The following TBK1 variants were observed in gnomAD, a reference collection of about 807,000 sequenced individuals.
The protein encoded by TBK1 is TANK binding kinase 1, also known as serine/threonine-protein kinase TBK1.
A neutral mutation model predicts 99.9 loss-of-function variants in TBK1; 37 were observed. The ratio of observed to expected loss-of-function variants is 0.37; its 90% CI spans 0.28 to 0.49. TBK1 has a LOEUF of 0.49. TBK1 is among the 20% of genes least tolerant of loss of function. The pLI is 0.98. For synonymous variants in TBK1, 258 were observed against 279.8 expected (o/e 0.92, Z 0.78); for missense variants, 644 against 872.5 (o/e 0.74, Z 3.30).
In TBK1 at chr12:64,495,783, A is replaced by G; in HGVS notation, c.1720+8A>G. The G allele has an allele frequency of 6.5e-7, 1 of 1,549,938 alleles. No individual in the cohort carries two copies. The highest frequency in any genetic ancestry group is 1.2e-5 in the South Asian group (1 of 82,482). ...AAGACAAAGCAGAACGTAGTAAGTA[A>G]AATTTGCTATTTGTTAATTTAATAA... On this transcript the variant is annotated splice_region_variant and intron_variant, in intron 15 of 20. Transcript: ENST00000331710.
chr12:64,482,540 A>G (rs2040777714), intron 8 of TBK1, among the ~76,000 whole-genome samples: 1 of 152,244 alleles, frequency 6.6e-6, no homozygotes, highest in South Asian at 2.1e-4. Flanking sequence ...GATTAAAAAA[A>G]ACTACCCATG....
At chr12:64,455,989 A>G in intron 2 of TBK1, 32 bp downstream of exon 2, 2 of 1,491,910 alleles carry the variant, frequency 1.3e-6, no homozygotes, top group Non-Finnish European at 1.8e-6. Context: ...AAGACCTTTT[A>G]TCACTGTATG....
rs746112438 is a variant in TBK1, at chr12:64,496,934, A to ATT, written c.1761-13_1761-12dup. On this transcript the variant is annotated splice_polypyrimidine_tract_variant and intron_variant, in intron 16 of 20. Coordinates refer to ENST00000331710, the MANE Select transcript of TBK1 (RefSeq NM_013254.4). ...GTGACATTGGTTTAAGCCTCTGATT[A>ATT]TTTCTAAATTACAGGCAAAAACTGT... 1 of 1,583,050 alleles carries ATT rather than the reference A, an allele frequency of 6.3e-7. No homozygotes were observed. Among genetic ancestry groups the ATT allele is most frequent in the East Asian group, 2.2e-5 (1 of 44,472 alleles).
chr12:64,456,668 G>A (rs898638496), intron 2 of TBK1, among the ~76,000 whole-genome samples: 6 of 151,774 alleles, frequency 4.0e-5, no homozygotes, highest in African/African-American at 1.2e-4. Context: ...GTGAAACCCC[G>A]TCTCTACTAA....
intron 3 of TBK1, among the ~76,000 whole-genome samples, chr12:64,461,848 C>G (rs1261152970): frequency 6.6e-6 from 1 of 152,050 alleles, no homozygotes; most frequent in East Asian, 1.9e-4. Flanking sequence ...TTTATTGTAG[C>G]AAAAAGATAG....
rs1376176798 is a variant in TBK1 at position 64,495,887 on chromosome 12, T to C, written c.1720+112T>C. On this transcript the variant is annotated intron_variant, in intron 15 of 20. Transcript: ENST00000331710. ...AGGGTAGCTTCTTAAGCTGTTTTTT[T>C]CAGAGATGTGATTCTGTCAGGAAAA... 3.9e-6 allele frequency: 3 copies of C among 766,614 alleles called. No homozygotes were observed. The South Asian group carries it at 8.2e-5, about 21-fold the overall frequency. 47.5% of individuals were successfully genotyped at this position (766,614 alleles called of 1,614,324 possible). A position where few individuals can be genotyped will look rare whatever the true frequency, so the allele number is the denominator to read the frequency against.
At chr12:64,481,819 G>GT (rs2040770521) in intron 7 of TBK1, 23 bp from the exon 8 acceptor site, 3 of 1,504,018 alleles carry the variant, frequency 2.0e-6, no homozygotes, top group Non-Finnish European at 2.7e-6. Context: ...CACTCTTCAA[G>GT]TAACTTTTCA....
chr12:64,501,465 C>T lies in TBK1; in HGVS notation c.*84C>T. The T allele has an allele frequency of 7.6e-7, 1 of 1,310,112 alleles. No homozygotes were observed. Among genetic ancestry groups the T allele is most frequent in the South Asian group, 1.2e-5 (1 of 80,074 alleles). 81.2% of individuals were successfully genotyped at this position (1,310,112 alleles called of 1,614,324 possible). The stretch of plus-strand genomic sequence containing the variant: ...TTAAATGAATGCCTTTATAGATAGT[C>T]ACTTGTTTCTACAATTCAGTATTTG... On this transcript the variant is annotated 3_prime_UTR_variant, in exon 21 of 21. Transcript: ENST00000331710.
At chr12:64,492,395 C>G (rs2040877817) in intron 13 of TBK1, among the ~76,000 whole-genome samples, 1 of 152,200 alleles carries the variant, frequency 6.6e-6, no homozygotes, top group South Asian at 2.1e-4. Context: ...CAGCCTCCGC[C>G]TCCTGGGTTC....
At chr12:64,457,962 G>A (rs1241954821) in intron 2 of TBK1, among the ~76,000 whole-genome samples, 4 of 152,114 alleles carry the variant, frequency 2.6e-5, no homozygotes, top group South Asian at 4.1e-4. Flanking sequence ...AAAAGATTGT[G>A]AAGTCGAGCA....
In TBK1 at chr12:64,493,839, A is replaced by G. The variant is rs57951587; in HGVS notation, c.1522-1644A>G. 2.1e-3 allele frequency among the ~76,000 whole-genome samples: 326 copies of G among 152,228 alleles called. 1 individual carries two copies. The highest frequency in any genetic ancestry group is 7.6e-3 in the African/African-American group (317 of 41,546). ...AATCACTGTTTTCATTTTCTTTTAT[A>G]TGTATTATTAAATGACTGTTACTCT... On this transcript the variant is annotated intron_variant, in intron 13 of 20. Transcript: ENST00000331710.
Position 64,497,621 on chromosome 12 carries a change from C to CTTTTTTTT in TBK1, c.1960-18_1960-11dup, listed in dbSNP as rs71092972. ...TCTGTGATTAATGTGGGGTTTTTTT[C>CTTTTTTTT]TTTTTTTTTTTTTTTTGATGTTTCA... On this transcript the variant is annotated intron_variant, in intron 18 of 20. Coordinates refer to ENST00000331710, the MANE Select transcript of TBK1 (RefSeq NM_013254.4). 5.6e-5 allele frequency: 57 copies of CTTTTTTTT among 1,025,096 alleles called. 1 individual carries two copies. The highest frequency in any genetic ancestry group is 2.5e-4 in the South Asian group (15 of 59,038). 63.5% of individuals were successfully genotyped at this position (1,025,096 alleles called of 1,614,324 possible). A position where few individuals can be genotyped will look rare whatever the true frequency, so the allele number is the denominator to read the frequency against.
In TBK1 at chr12:64,501,650, G is replaced by C. The variant is rs910651419; in HGVS notation, c.*269G>C. On this transcript the variant is annotated 3_prime_UTR_variant, in exon 21 of 21. Coordinates refer to ENST00000331710, the MANE Select transcript of TBK1 (RefSeq NM_013254.4). ...GAAAGCCATGACCGACCAATATGTTGACATACTGATCCTCTACTCTGAGTG... is the reference window on the plus strand; with the variant it reads ...GAAAGCCATGACCGACCAATATGTTCACATACTGATCCTCTACTCTGAGTG... 5.5e-6 allele frequency: 2 copies of C among 365,120 alleles called. No homozygotes were observed. The highest frequency in any genetic ancestry group is 4.3e-5 in the African/African-American group (2 of 46,838). The allele number at this position is 365,120 out of a possible 1,614,324, so 22.6% of individuals were successfully genotyped here. A position where few individuals can be genotyped will look rare whatever the true frequency, so the allele number is the denominator to read the frequency against.
Position 64,481,863 on chromosome 12 carries a change from C to T in TBK1, c.834C>T (p.Thr278=). Residue 278 remains threonine (T), a synonymous_variant, in exon 8 of 21, where the codon ACC becomes ACT. Transcript: ENST00000331710. ...SLSRGLQVLL[T]PVLANILEAD... is the part of the protein sequence containing the mutation. ...TTAGGGGTCTTCAGGTTCTACTTACCCCTGTTCTTGCAAACATCCTTGAAG... is the reference window on the plus strand; with the variant it reads ...TTAGGGGTCTTCAGGTTCTACTTACTCCTGTTCTTGCAAACATCCTTGAAG... The T allele has an allele frequency of 1.2e-6, 2 of 1,603,208 alleles. No individual in the cohort carries two copies. The highest frequency in any genetic ancestry group is 1.7e-6 in the Non-Finnish European group (2 of 1,175,428).
At chr12:64,475,529 G>A (rs942206989) in intron 6 of TBK1, among the ~76,000 whole-genome samples, 8 of 152,156 alleles carry the variant, frequency 5.3e-5, no homozygotes, top group South Asian at 2.1e-4. Context: ...TGGGATTGGC[G>A]AGACAATATG....
intron 3 of TBK1, among the ~76,000 whole-genome samples, chr12:64,462,667 G>C (rs905934395): frequency 1.3e-5 from 2 of 151,560 alleles, no homozygotes; most frequent in Non-Finnish European, 2.9e-5. Flanking sequence ...TTTTATAAAA[G>C]TGTTTTGGAG....
intron 5 of TBK1, among the ~76,000 whole-genome samples, chr12:64,469,338 C>A (rs1171076962): frequency 6.6e-6 from 1 of 151,894 alleles, no homozygotes; most frequent in African/African-American, 2.4e-5. Context: ...CCGAGAACAC[C>A]AAGCAGAATT....
intron 6 of TBK1, among the ~76,000 whole-genome samples, chr12:64,475,895 G>A (rs1183847960): frequency 1.3e-5 from 2 of 152,128 alleles, no homozygotes; most frequent in African/African-American, 4.8e-5. Flanking sequence ...TGGGATTGCT[G>A]GGTCAAATGA....
intron 9 of TBK1, 70 bp downstream of exon 9, chr12:64,484,569 G>A: frequency 6.9e-7 from 1 of 1,452,238 alleles, no homozygotes; most frequent in Non-Finnish European, 9.3e-7. Context: ...GCAACATAGT[G>A]AGACCTTGTC....
Sources: gnomAD v4.1 joint callset for allele counts (sites outside exome capture counted in the v4.1 genomes callset) on GRCh38, gnomAD v4.1.1 for gene constraint, MANE v1.5 for transcripts, NCBI Gene and HGNC (gene_info 2026-07-23, HGNC 2026-07-21) for gene names.